ITGAV: variants seen among roughly 807,000 people sequenced by gnomAD.
The protein encoded by ITGAV is integrin alpha-V.
ITGAV carries 76 observed loss-of-function variants against 143.8 expected under a neutral mutation model. That is an observed-to-expected ratio of 0.53 (90% CI 0.44 to 0.64). ITGAV has a LOEUF of 0.64. Among genes scored for constraint, ITGAV ranks in the 30% least tolerant of loss-of-function variants. The pLI is 0.00. For synonymous variants in ITGAV, 453 were observed against 446.7 expected, an observed-to-expected ratio of 1.01 and a Z score of -0.18; for missense variants, 1,193 against 1,274.7, an observed-to-expected ratio of 0.94 and a Z score of 0.98.
chr2:186,613,554 A>G (rs1687275512), intron 2 of ITGAV, among the ~76,000 whole-genome samples: 1 of 152,112 alleles, frequency 6.6e-6, no homozygotes, highest in African/African-American at 2.4e-5. Context: ...TCCATGGATT[A>G]TGGTTGCAGA....
chr2:186,628,495 A>C (rs1461018554), intron 4 of ITGAV, among the ~76,000 whole-genome samples: 2 of 152,116 alleles, frequency 1.3e-5, no homozygotes, highest in Non-Finnish European at 2.9e-5. Flanking sequence ...GGAGAAGAGC[A>C]TAAAAAACAA....
At chr2:186,628,700 T>A (rs1414741661) in intron 4 of ITGAV, among the ~76,000 whole-genome samples, 1 of 152,130 alleles carries the variant, frequency 6.6e-6, no homozygotes, top group Non-Finnish European at 1.5e-5. Flanking sequence ...CCAGATGTTC[T>A]TCTGTTCTAA....
chr2:186,604,773 C>G (rs1687010891), intron 2 of ITGAV, among the ~76,000 whole-genome samples: 1 of 152,154 alleles, frequency 6.6e-6, no homozygotes, highest in South Asian at 2.1e-4. Flanking sequence ...TTCCTGTGAG[C>G]TACTTTTAGT....
Position 186,637,097 on chromosome 2 carries a change from G to A in ITGAV, c.790G>A (p.Asp264Asn). Reference sequence around the variant, plus strand: ...TGTGGCTGTCGGAGATTTCAATGGTGATGGCATAGATGGTATGAAGTACTT... The same window carrying A: ...TGTGGCTGTCGGAGATTTCAATGGTAATGGCATAGATGGTATGAAGTACTT... The part of the protein sequence containing the change: ...YSVAVGDFNG[D>N]GIDDFVSGVP... The change falls in exon 8 of 30, where the codon GAT (aspartate) becomes AAT (asparagine). Residue 264 changes from aspartate to asparagine, a missense_variant. Transcript: ENST00000261023. 6.2e-7 allele frequency: 1 copy of A among 1,611,668 alleles called. No individual in the cohort carries two copies. The highest frequency in any genetic ancestry group is 8.5e-7 in the Non-Finnish European group (1 of 1,177,822).
intron 17 of ITGAV, among the ~76,000 whole-genome samples, chr2:186,657,963 AC>A (rs1466647904): frequency 4.0e-5 from 6 of 151,188 alleles, no homozygotes; most frequent in Non-Finnish European, 4.4e-5. Context: ...GAAAAAAAAA[AC>A]CAAAATATTT....
At chr2:186,642,102 T>G (rs1688120221) in intron 12 of ITGAV, among the ~76,000 whole-genome samples, 1 of 152,244 alleles carries the variant, frequency 6.6e-6, no homozygotes, top group South Asian at 2.1e-4. Context: ...GGTGGCATAT[T>G]AAAAGTATAA....
intron 13 of ITGAV, among the ~76,000 whole-genome samples, chr2:186,649,597 A>G (rs1688367611): frequency 6.6e-6 from 1 of 152,170 alleles, no homozygotes; most frequent in Non-Finnish European, 1.5e-5. Flanking sequence ...TTTTTACTAA[A>G]TATTCATTTA....
chr2:186,645,978 A>G (rs1357328701), intron 12 of ITGAV, among the ~76,000 whole-genome samples: 6 of 152,178 alleles, frequency 3.9e-5, no homozygotes, highest in Non-Finnish European at 7.3e-5. Context: ...TCTCAAACAA[A>G]CAAAAATTAA....
chr2:186,615,489 A>G (rs1163096758), intron 2 of ITGAV, among the ~76,000 whole-genome samples: 1 of 152,082 alleles, frequency 6.6e-6, no homozygotes, highest in Non-Finnish European at 1.5e-5. Flanking sequence ...TTTATATTAT[A>G]ATAACCATCC....
intron 5 of ITGAV, 130 bp from the exon 6 acceptor site, chr2:186,633,199 T>C (rs538367110): frequency 2.0e-4 from 76 of 383,508 alleles, no homozygotes; most frequent in African/African-American, 1.5e-3. Flanking sequence ...GGTAATGATA[T>C]AAAGATACAA....
intron 3 of ITGAV, among the ~76,000 whole-genome samples, chr2:186,622,956 G>A (rs1687574315): frequency 6.6e-6 from 1 of 152,064 alleles, no homozygotes; most frequent in African/African-American, 2.4e-5. Context: ...TAGAGACAGG[G>A]TTTCGCCATG....
At chr2:186,604,138 C>T (rs1686991657) in intron 2 of ITGAV, among the ~76,000 whole-genome samples, 1 of 151,934 alleles carries the variant, frequency 6.6e-6, no homozygotes, top group African/African-American at 2.4e-5. Context: ...TCCTGAAGTC[C>T]TGAGACTACA....
chr2:186,607,584 A>C lies in ITGAV; in HGVS notation c.316+5433A>C, dbSNP rs988560473. ...GACTCTTACTCATATGTGTGTGGAC[A>C]AAAAAAAATCTATTGTTCTTTTTAA... On this transcript the variant is annotated intron_variant, in intron 2 of 29. Coordinates refer to ENST00000261023, the MANE Select transcript of ITGAV (RefSeq NM_002210.5). 5.9e-5 allele frequency among the ~76,000 whole-genome samples: 9 copies of C among 151,874 alleles called. 1 individual carries two copies. The highest frequency in any genetic ancestry group is 3.4e-3 in the Middle Eastern group (1 of 294).
intron 2 of ITGAV, among the ~76,000 whole-genome samples, chr2:186,610,384 C>T (rs1454157167): frequency 6.6e-6 from 1 of 152,178 alleles, no homozygotes; most frequent in Admixed American, 6.5e-5. Context: ...AATGTTCTTT[C>T]AAGATCTTGA....
chr2:186,614,264 T>TTG (rs1385404993), intron 2 of ITGAV, among the ~76,000 whole-genome samples: 1 of 151,996 alleles, frequency 6.6e-6, no homozygotes, highest in African/African-American at 2.4e-5. Flanking sequence ...GGATATACTT[T>TTG]TGTGTGTGTA....
intron 2 of ITGAV, among the ~76,000 whole-genome samples, chr2:186,606,761 C>T (rs1200111915): frequency 1.3e-5 from 2 of 152,118 alleles, no homozygotes; most frequent in Non-Finnish European, 2.9e-5. Context: ...ATTGTGTCTT[C>T]ATCACTTGTC....
chr2:186,663,008 T>A (rs576110692), intron 18 of ITGAV, among the ~76,000 whole-genome samples: 1 of 152,304 alleles, frequency 6.6e-6, no homozygotes, highest in South Asian at 2.1e-4. Flanking sequence ...TTTTCTTAAT[T>A]TTTATGTTTC....
intron 12 of ITGAV, among the ~76,000 whole-genome samples, chr2:186,642,789 C>T (rs1688146302): frequency 6.6e-6 from 1 of 151,940 alleles, no homozygotes; most frequent in Non-Finnish European, 1.5e-5. Flanking sequence ...CTTGGCTGTG[C>T]GAAGTGCTGG....
intron 2 of ITGAV, among the ~76,000 whole-genome samples, chr2:186,617,278 T>C (rs559462885): frequency 2.5e-3 from 375 of 152,296 alleles, no homozygotes; most frequent in African/African-American, 8.9e-3. Flanking sequence ...AACATTTTGC[T>C]TAGGGTAAGA....
Sources: allele counts gnomAD v4.1 joint callset (sites outside exome capture counted in the v4.1 genomes callset), GRCh38; gene constraint gnomAD v4.1.1; transcripts MANE v1.5; gene names NCBI Gene and HGNC (gene_info 2026-07-23, HGNC 2026-07-21).